The following PTPRD variants were observed in gnomAD, a reference collection of about 807,000 sequenced individuals.
PTPRD encodes protein tyrosine phosphatase receptor type D.
PTPRD carries 34 observed loss-of-function variants against 214.5 expected under a neutral mutation model. The ratio of observed to expected loss-of-function variants is 0.16; its 90% CI spans 0.12 to 0.21. The LOEUF is 0.21. PTPRD is among the 10% of genes least tolerant of loss of function. PTPRD has a pLI of 1.00. For missense variants in PTPRD, 2,545 were observed against 2,398.7 expected (o/e 1.06, Z -1.27); for synonymous variants, 1,128 against 845.7 (o/e 1.33, Z -5.79).
At chr9:8,331,032 G>A (rs1434059271) in intron 44 of PTPRD, among the ~76,000 whole-genome samples, 1 of 147,812 alleles carries the variant, frequency 6.8e-6, no homozygotes, top group Non-Finnish European at 1.5e-5. Context: ...AATGACTTGA[G>A]TTATAAAATG....
At chr9:9,708,036 T>C (rs1467668516) in intron 7 of PTPRD, among the ~76,000 whole-genome samples, 1 of 152,106 alleles carries the variant, frequency 6.6e-6, no homozygotes, top group Non-Finnish European at 1.5e-5. Context: ...AAAGACTTGC[T>C]GTAAGCCAAG....
chr9:9,090,149 A>C (rs1465921911), intron 10 of PTPRD, among the ~76,000 whole-genome samples: 1 of 152,124 alleles, frequency 6.6e-6, no homozygotes, highest in East Asian at 1.9e-4. Flanking sequence ...TGTGCTATTG[A>C]ACACTGGAAT....
At chr9:9,313,470 G>A (rs1369944090) in intron 9 of PTPRD, among the ~76,000 whole-genome samples, 1 of 152,144 alleles carries the variant, frequency 6.6e-6, no homozygotes, top group Non-Finnish European at 1.5e-5. Context: ...CTTGACCTCA[G>A]AGTTCACCCA....
In PTPRD at chr9:10,280,105, C is replaced by A. The variant is rs140157195; in HGVS notation, c.-545+60858G>T. The stretch of plus-strand genomic sequence containing the variant: ...ACAATAAACCATTATATATACATAA[C>A]TGCTGAAAGATTCAAATAAATCAGG... On this transcript the variant is annotated intron_variant, in intron 3 of 45. Transcript: ENST00000381196. Among the ~76,000 whole-genome samples, 23 of 152,156 alleles carry A rather than the reference C, an allele frequency of 1.5e-4. No homozygotes were observed. In the East Asian group the frequency reaches 4.2e-3, roughly 28 times the overall value.
At chr9:9,197,446 T>G (rs979999090) in intron 9 of PTPRD, among the ~76,000 whole-genome samples, 3 of 152,216 alleles carry the variant, frequency 2.0e-5, no homozygotes, top group African/African-American at 7.2e-5. Context: ...AGTCTCACTC[T>G]GTCGCCCAGA....
At chr9:9,580,723 A>C (rs562935809) in intron 7 of PTPRD, among the ~76,000 whole-genome samples, 1 of 151,548 alleles carries the variant, frequency 6.6e-6, no homozygotes, top group East Asian at 2.0e-4. Flanking sequence ...TAATTTTTGT[A>C]TTTTTAGTAG....
intron 12 of PTPRD, among the ~76,000 whole-genome samples, chr9:8,661,949 T>C (rs1454839627): frequency 1.3e-5 from 2 of 152,212 alleles, no homozygotes; most frequent in African/African-American, 2.4e-5. Flanking sequence ...CATTCATTCA[T>C]TCACTCATTC....
chr9:9,068,863 A>G (rs1049863075), intron 10 of PTPRD, among the ~76,000 whole-genome samples: 1 of 151,608 alleles, frequency 6.6e-6, no homozygotes, highest in Non-Finnish European at 1.5e-5. Context: ...TCCCTCCTTG[A>G]CCCCCCAAAG....
At chr9:10,107,690 G>C (rs2098648456) in intron 3 of PTPRD, among the ~76,000 whole-genome samples, 1 of 152,014 alleles carries the variant, frequency 6.6e-6, no homozygotes, top group Non-Finnish European at 1.5e-5. Context: ...TAGTCTAATT[G>C]TTTCCACAGT....
At chr9:9,320,581 A>G (rs530048916) in intron 9 of PTPRD, among the ~76,000 whole-genome samples, 19 of 152,186 alleles carry the variant, frequency 1.2e-4, no homozygotes, top group Non-Finnish European at 2.4e-4. Context: ...TCTGAGGAAA[A>G]CTACCCTTCC....
intron 3 of PTPRD, among the ~76,000 whole-genome samples, chr9:10,065,103 A>C (rs1159660395): frequency 1.4e-5 from 2 of 138,506 alleles, no homozygotes; most frequent in Non-Finnish European, 3.1e-5. Context: ...AAATTATCAA[A>C]TAAAATCTTC....
intron 2 of PTPRD, among the ~76,000 whole-genome samples, chr9:10,446,811 G>A (rs997254925): frequency 6.6e-6 from 1 of 152,090 alleles, no homozygotes; most frequent in Admixed American, 6.6e-5. Flanking sequence ...TCCATGAAGA[G>A]AGTGATGACT....
intron 3 of PTPRD, among the ~76,000 whole-genome samples, chr9:10,275,145 T>C (rs1047392795): frequency 6.6e-6 from 1 of 152,158 alleles, no homozygotes; most frequent in Non-Finnish European, 1.5e-5. Context: ...TGTATTACAG[T>C]GATTATAGAT....
At chr9:10,343,978 GTTTTTTTTTTT>G (rs139613939) in intron 2 of PTPRD, among the ~76,000 whole-genome samples, 28 of 31,678 alleles carry the variant, frequency 8.8e-4, no homozygotes, top group Middle Eastern at 0.038. Context: ...TCTGATGGTA[GTTTTTTTTTTT>G]TTTTTTTTTT....
At chr9:10,185,373 T>G (rs294850) in intron 3 of PTPRD, among the ~76,000 whole-genome samples, 8,068 of 152,292 alleles carry the variant, frequency 0.053, 291 homozygotes, top group Admixed American at 0.1. Flanking sequence ...TCCATTACAA[T>G]GAGAAATTTG....
intron 2 of PTPRD, among the ~76,000 whole-genome samples, chr9:10,385,992 A>G (rs2097907449): frequency 6.6e-6 from 1 of 151,876 alleles, no homozygotes; most frequent in Non-Finnish European, 1.5e-5. Context: ...CTAAGTTGTC[A>G]TATTTCTTTA....
At chr9:9,366,819 A>C (rs2058016405) in intron 9 of PTPRD, among the ~76,000 whole-genome samples, 1 of 151,544 alleles carries the variant, frequency 6.6e-6, no homozygotes, top group African/African-American at 2.4e-5. Context: ...AATAAAAATG[A>C]ATAGAGCTAA....
intron 7 of PTPRD, among the ~76,000 whole-genome samples, chr9:9,720,324 A>C (rs888480892): frequency 6.6e-6 from 1 of 152,236 alleles, no homozygotes; most frequent in Non-Finnish European, 1.5e-5. Flanking sequence ...TCACAGAAGA[A>C]GTCAGTATTA....
chr9:8,792,654 A>T (rs548277343), intron 11 of PTPRD, among the ~76,000 whole-genome samples: 2 of 152,192 alleles, frequency 1.3e-5, no homozygotes, highest in Non-Finnish European at 2.9e-5. Flanking sequence ...TTAAAAAATG[A>T]AATTATATAT....
Sources: allele counts gnomAD v4.1 joint callset (sites outside exome capture counted in the v4.1 genomes callset), GRCh38; gene constraint gnomAD v4.1.1; transcripts MANE v1.5; gene names NCBI Gene and HGNC (gene_info 2026-07-23, HGNC 2026-07-21).